PTPN22: variants seen among roughly 807,000 people sequenced by gnomAD.
The protein encoded by PTPN22 is protein tyrosine phosphatase non-receptor type 22.
Under a neutral mutation model 103.3 loss-of-function variants are expected in PTPN22, and 85 were observed. That is an observed-to-expected ratio of 0.82 (90% CI 0.69 to 0.99). The LOEUF is 0.99. Among genes scored for constraint, PTPN22 ranks in the 50% least tolerant of loss-of-function variants. The pLI is 0.00. For synonymous variants in PTPN22, 323 were observed against 310.2 expected (o/e 1.04, Z -0.43); for missense variants, 865 against 936.9 (o/e 0.92, Z 1.00).
At chr1:113,820,308 A>T (rs1356842523) in intron 19 of PTPN22, among the ~76,000 whole-genome samples, 1 of 152,050 alleles carries the variant, frequency 6.6e-6, no homozygotes, top group Non-Finnish European at 1.5e-5. Context: ...ACAAAAAAAA[A>T]TTAGCGAGGC....
At chr1:113,817,573 G>GA (rs1201655566) in intron 20 of PTPN22, among the ~76,000 whole-genome samples, 1 of 151,776 alleles carries the variant, frequency 6.6e-6, no homozygotes, top group Non-Finnish European at 1.5e-5. Context: ...GAGTAGCTGG[G>GA]ACTACAGGCA....
In PTPN22 at chr1:113,829,719, A is replaced by T. The variant is rs1662387164; in HGVS notation, c.2135-12T>A. The stretch of plus-strand genomic sequence containing the variant: ...TTGGGCCTGCATACCTTAAAAAAAA[A>T]AAAGGAGAAAAACATGTTCCATTGC... On this transcript the variant is annotated splice_polypyrimidine_tract_variant and intron_variant, in intron 17 of 20. Coordinates refer to ENST00000359785, the Ensembl canonical transcript of PTPN22. 1 of 1,500,366 alleles carries T rather than the reference A, an allele frequency of 6.7e-7. No homozygotes were observed. The highest frequency in any genetic ancestry group is 1.4e-5 in the African/African-American group (1 of 70,702). 92.9% of individuals were successfully genotyped at this position (1,500,366 alleles called of 1,614,324 possible).
chr1:113,833,814 CTT>C (rs1662754677), intron 15 of PTPN22, among the ~76,000 whole-genome samples: 1 of 152,178 alleles, frequency 6.6e-6, no homozygotes, highest in African/African-American at 2.4e-5. Flanking sequence ...AAAGGTTTAT[CTT>C]AAGTAATATG....
chr1:113,849,594 AT>A (rs574631537), intron 10 of PTPN22, among the ~76,000 whole-genome samples: 2,116 of 125,610 alleles, frequency 0.017, 55 homozygotes, highest in African/African-American at 0.077. Flanking sequence ...TTATTTATTT[AT>A]TTTTTTTTTT....
intron 1 of PTPN22, among the ~76,000 whole-genome samples, chr1:113,863,945 A>G (rs1285470505): frequency 6.9e-6 from 1 of 144,818 alleles, no homozygotes; most frequent in Non-Finnish European, 1.5e-5. Context: ...TTGACATGGG[A>G]TCTCACTCTG....
At chr1:113,853,768 G>A (rs1161683569) in intron 9 of PTPN22, among the ~76,000 whole-genome samples, 8 of 149,398 alleles carry the variant, frequency 5.4e-5, no homozygotes, top group Non-Finnish European at 1.0e-4. Context: ...TGCAACCTCC[G>A]CCTCCCGGGT....
intron 1 of PTPN22, among the ~76,000 whole-genome samples, chr1:113,869,398 A>AT (rs35623739): frequency 0.34 from 50,809 of 148,418 alleles, 10,862 homozygotes; most frequent in African/African-American, 0.61. Context: ...TATAGTCTAC[A>AT]TTTTTTTTTT....
At chr1:113,834,392 C>T in exon 15 of PTPN22, 1 of 1,613,376 alleles carries the variant, frequency 6.2e-7, no homozygotes, top group South Asian at 1.1e-5. Flanking sequence ...CCAATTTTTA[C>T]CTTCACAGCT....
At chr1:113,868,548 T>C (rs1010714367) in intron 1 of PTPN22, among the ~76,000 whole-genome samples, 2 of 152,178 alleles carry the variant, frequency 1.3e-5, no homozygotes, top group Non-Finnish European at 2.9e-5. Flanking sequence ...CTGAAACCTT[T>C]AGATGGAGCT....
At chr1:113,856,386 T>C (rs1323468705) in exon 7 of PTPN22, 5 of 1,567,672 alleles carry the variant, frequency 3.2e-6, no homozygotes, top group Non-Finnish European at 4.3e-6. Context: ...ACTTACACTA[T>C]TGAACTTAAC....
chr1:113,814,449 G>A (rs1661014329), exon 21 of PTPN22: 1 of 154,240 alleles, frequency 6.5e-6, no homozygotes, highest in African/African-American at 2.4e-5. Flanking sequence ...TAACTGTCAG[G>A]GAATAGTCAT....
Position 113,850,200 on chromosome 1 carries a change from A to AGAAGGAAGGAAG in PTPN22, c.829-1586_829-1575dup, listed in dbSNP as rs71090741. ...TGACAGTGTGAAACTCCATCTCAAA[A>AGAAGGAAGGAAG]GAAGGAAGGAAGGAAGGAAGGAAGG... On this transcript the variant is annotated intron_variant, in intron 10 of 20. Coordinates refer to ENST00000359785, the Ensembl canonical transcript of PTPN22. Among the ~76,000 whole-genome samples, 233 of 78,010 alleles carry AGAAGGAAGGAAG rather than the reference A, an allele frequency of 3.0e-3. 1 individual carries two copies. Among genetic ancestry groups the AGAAGGAAGGAAG allele is most frequent in the Middle Eastern group, 5.7e-3 (1 of 174 alleles). 51.2% of individuals were successfully genotyped at this position (78,010 alleles called of 152,430 possible).
chr1:113,851,459 A>T (rs2102061700), intron 10 of PTPN22, among the ~76,000 whole-genome samples: 1 of 152,116 alleles, frequency 6.6e-6, no homozygotes, highest in East Asian at 1.9e-4. Flanking sequence ...CGGCCCAATT[A>T]TGTTTTTTCT....
intron 1 of PTPN22, among the ~76,000 whole-genome samples, chr1:113,863,593 T>G (rs1244405911): frequency 6.6e-6 from 1 of 152,222 alleles, no homozygotes; most frequent in African/African-American, 2.4e-5. Context: ...AGTGATAGGC[T>G]GATTCACAGG....
At chr1:113,868,569 C>T (rs181390319) in intron 1 of PTPN22, among the ~76,000 whole-genome samples, 1 of 152,290 alleles carries the variant, frequency 6.6e-6, no homozygotes, top group Admixed American at 6.5e-5. Context: ...GAGAGGAAGA[C>T]TCTATTTTTC....
intron 11 of PTPN22, among the ~76,000 whole-genome samples, chr1:113,847,059 T>C (rs1167587257): frequency 6.6e-6 from 1 of 151,196 alleles, no homozygotes; most frequent in Non-Finnish European, 1.5e-5. Flanking sequence ...TTCAGTCTAT[T>C]TTATCACTGT....
chr1:113,849,152 CA>C (rs1458662099), intron 10 of PTPN22, among the ~76,000 whole-genome samples: 2 of 152,276 alleles, frequency 1.3e-5, no homozygotes, highest in Non-Finnish European at 2.9e-5. Flanking sequence ...CCAGGTCATT[CA>C]GAAGGAATTT....
At position 113,857,719 on chromosome 1, in the gene PTPN22, G is replaced by T. The variant is rs769310558; in HGVS notation, c.408+19C>A. On this transcript the variant is annotated intron_variant, in intron 5 of 20. Transcript: ENST00000359785. ...CTTTCCTTTGTTTTAAGGTCAGCAG[G>T]TACTAGAAAGTAACTTACCTTTCCC... The T allele has an allele frequency of 3.7e-6, 6 of 1,605,520 alleles. No individual in the cohort carries two copies. In the African/African-American group the frequency reaches 6.7e-5, roughly 18 times the overall value.
At chr1:113,846,214 CT>C (rs1193329115) in intron 11 of PTPN22, among the ~76,000 whole-genome samples, 5 of 152,022 alleles carry the variant, frequency 3.3e-5, no homozygotes, top group South Asian at 2.1e-4. Context: ...TTGCTCTTTT[CT>C]TTTTCCTGAT....
Sources: gnomAD v4.1 joint callset for allele counts (sites outside exome capture counted in the v4.1 genomes callset) on GRCh38, gnomAD v4.1.1 for gene constraint, MANE v1.5 for transcripts, NCBI Gene and HGNC (gene_info 2026-07-23, HGNC 2026-07-21) for gene names.